Variants in DNMBP observed in about 807,000 individuals in gnomAD.
DNMBP encodes the protein dynamin binding protein.
A neutral mutation model predicts 150.0 loss-of-function variants in DNMBP; 87 were observed. That is an observed-to-expected ratio of 0.58 (90% CI 0.49 to 0.69). The LOEUF is 0.69. Ranked by LOEUF, DNMBP falls within the 30% of genes least tolerant of loss-of-function variation. The pLI, the probability that DNMBP is intolerant of heterozygous loss-of-function variation, is 0.00. For missense variants in DNMBP, 1,774 were observed against 1,949.0 expected, an observed-to-expected ratio of 0.91 and a Z score of 1.69; for synonymous variants, 711 against 750.4, an observed-to-expected ratio of 0.95 and a Z score of 0.86.
At chr10:99,895,120 T>G in intron 10 of DNMBP, 70 bp from the exon 11 acceptor site, 2 of 835,962 alleles carry the variant, frequency 2.4e-6, no homozygotes, top group Non-Finnish European at 3.6e-6. Context: ...AAAAGTAGCT[T>G]GCTTTTTTTT....
chr10:99,932,262 T>G (rs1384636205), intron 4 of DNMBP, among the ~76,000 whole-genome samples: 1 of 152,188 alleles, frequency 6.6e-6, no homozygotes, highest in Non-Finnish European at 1.5e-5. Context: ...TAATTACATG[T>G]TTACTCTTGG....
rs1369181140 is a variant in DNMBP at position 99,992,180 on chromosome 10, C to G, written c.-11+17658G>C. ...GCTTGAGTCCAGGATGTTGAGGCTG[C>G]AGTGAGCTGAGATCACACCACTGCA... On this transcript the variant is annotated intron_variant, in intron 1 of 16. Coordinates refer to ENST00000324109, the MANE Select transcript of DNMBP (RefSeq NM_015221.4). Among the ~76,000 whole-genome samples the G allele has an allele frequency of 2.0e-5, 3 of 151,948 alleles. No individual in the cohort carries two copies. The East Asian group carries it at 5.9e-4, about 30-fold the overall frequency.
intron 6 of DNMBP, 56 bp downstream of exon 6, chr10:99,907,939 C>T: frequency 7.4e-7 from 1 of 1,357,654 alleles, no homozygotes; most frequent in Non-Finnish European, 1.1e-6. Context: ...GCCACTTACT[C>T]CTGCCCATGA....
chr10:99,896,350 A>C lies in DNMBP; in HGVS notation c.2968T>G (p.Ser990Ala). ...ATGATGGAGTGGATGTTCAGTTTGG[A>C]AATTTTCTCCATAAGGCTATCTTCA... The part of the protein sequence containing the change: ...GDEDSLMEKI[S>A]KLNIHSIIKK... Residue 990 changes from serine to alanine, a missense_variant, in exon 10 of 17, where the codon TCC becomes GCC. By Grantham distance (99) the Ser-to-Ala change is moderately conservative. Coordinates refer to ENST00000324109, the MANE Select transcript of DNMBP (RefSeq NM_015221.4). The C allele has an allele frequency of 6.2e-7, 1 of 1,614,162 alleles. No homozygotes were observed. Among genetic ancestry groups the C allele is most frequent in the Non-Finnish European group, 8.5e-7 (1 of 1,180,014 alleles).
rs2133332334 is a variant in DNMBP, at chr10:99,956,339, C to T, written c.1135G>A (p.Asp379Asn). 1 of 1,613,874 alleles carries T rather than the reference C, an allele frequency of 6.2e-7. No homozygotes were observed. Among genetic ancestry groups the T allele is most frequent in the Non-Finnish European group, 8.5e-7 (1 of 1,179,988 alleles). ...DTDRNSYQDEDTAGGPPRSPG... is the reference protein window; with the variant it reads ...DTDRNSYQDENTAGGPPRSPG... Reference sequence around the variant, plus strand: ...CTTCTCGGGGGCCCTCCTGCGGTGTCCTCGTCCTGATAAGAGTTTCTGTCT... The same window carrying T: ...CTTCTCGGGGGCCCTCCTGCGGTGTTCTCGTCCTGATAAGAGTTTCTGTCT... Residue 379 changes from aspartate (D) to asparagine (N), a missense_variant, in exon 4 of 17, where the codon GAC becomes AAC. By Grantham distance (23) the Asp-to-Asn change is conservative. This residue lies in a region of DNMBP where 1,430 missense variants were observed against 1,492.5 expected (regional missense o/e 0.96). Transcript: ENST00000324109.
chr10:99,897,103 T>A (rs917118349), intron 9 of DNMBP, among the ~76,000 whole-genome samples: 1 of 152,114 alleles, frequency 6.6e-6, no homozygotes, highest in African/African-American at 2.4e-5. Flanking sequence ...CTTTAAAGTG[T>A]GGAGAAGAAT....
At chr10:99,902,303 CTTT>C (rs34120125) in intron 6 of DNMBP, among the ~76,000 whole-genome samples, 2 of 82,774 alleles carry the variant, frequency 2.4e-5, no homozygotes, top group African/African-American at 8.5e-5. Flanking sequence ...AGCCTCCCTT[CTTT>C]TTTTTTTTTT....
chr10:100,009,015 T>A (rs1476417242), intron 1 of DNMBP, among the ~76,000 whole-genome samples: 1 of 152,234 alleles, frequency 6.6e-6, no homozygotes, highest in Non-Finnish European at 1.5e-5. Flanking sequence ...ATCTTCATGT[T>A]TGTGTAAAAG....
At chr10:99,957,247 C>T in intron 3 of DNMBP, 42 bp from the exon 4 acceptor site, 1 of 1,546,918 alleles carries the variant, frequency 6.5e-7, no homozygotes, top group Non-Finnish European at 8.7e-7. Context: ...CAGTCATCAC[C>T]CAGCAGAACA....
At chr10:99,894,502 A>G (rs959312549) in intron 11 of DNMBP, among the ~76,000 whole-genome samples, 4 of 152,166 alleles carry the variant, frequency 2.6e-5, no homozygotes, top group Admixed American at 6.5e-5. Flanking sequence ...GCAACTGAAT[A>G]TTAATAAATT....
At chr10:99,975,684 C>G (rs948017300) in intron 1 of DNMBP, among the ~76,000 whole-genome samples, 3 of 152,148 alleles carry the variant, frequency 2.0e-5, no homozygotes, top group African/African-American at 7.2e-5. Context: ...GCTGCAGAGG[C>G]AGCATATATG....
At chr10:99,978,351 A>G (rs929238957) in intron 1 of DNMBP, among the ~76,000 whole-genome samples, 1 of 152,212 alleles carries the variant, frequency 6.6e-6, no homozygotes, top group African/African-American at 2.4e-5. Flanking sequence ...AGTGAGGTTG[A>G]AAGAATTTTA....
At chr10:100,005,764 C>CAAAAAAAAAAAAA (rs760685767) in intron 1 of DNMBP, among the ~76,000 whole-genome samples, 1 of 37,976 alleles carries the variant, frequency 2.6e-5, no homozygotes, top group African/African-American at 1.0e-4. Context: ...CAAAAGTCTC[C>CAAAAAAAAAAAAA]AAAAAAAAAA....
chr10:99,957,015 T>G lies in DNMBP; in HGVS notation c.459A>C (p.Leu153=), dbSNP rs756094335. ...PEYSMGQARA[L]MGLSAQLDEE... ...CATCCAGCTGAGCAGAAAGCCCCAT[T>G]AGGGCCCGGGCTTGTCCCATGGAAT... Residue 153 remains leucine, a synonymous_variant, in exon 4 of 17, where the codon CTA becomes CTC. Transcript: ENST00000324109. The G allele has an allele frequency of 6.2e-7, 1 of 1,614,124 alleles. No homozygotes were observed. The highest frequency in any genetic ancestry group is 1.3e-5 in the African/African-American group (1 of 75,040).
At chr10:99,888,547 T>C (rs2039506863) in intron 12 of DNMBP, among the ~76,000 whole-genome samples, 4 of 152,198 alleles carry the variant, frequency 2.6e-5, no homozygotes. Context: ...TGCTTTTATT[T>C]GATCAGAGTT....
At chr10:99,905,594 G>C (rs978348829) in intron 6 of DNMBP, among the ~76,000 whole-genome samples, 1 of 152,008 alleles carries the variant, frequency 6.6e-6, no homozygotes, top group Non-Finnish European at 1.5e-5. Flanking sequence ...GGCTGAGGTG[G>C]GAGGATCACT....
intron 6 of DNMBP, among the ~76,000 whole-genome samples, chr10:99,907,665 G>T (rs554629492): frequency 1.8e-4 from 28 of 152,148 alleles, no homozygotes; most frequent in African/African-American, 6.5e-4. Flanking sequence ...CAAAGTGCTG[G>T]GATTACAGGT....
intron 1 of DNMBP, among the ~76,000 whole-genome samples, chr10:99,983,799 G>A (rs7910239): frequency 0.066 from 10,007 of 152,204 alleles, 457 homozygotes; most frequent in African/African-American, 0.13. Context: ...GTCCTATACC[G>A]TCTGAAACTA....
rs1038614965 is a variant in DNMBP, at chr10:99,956,060, G to C, written c.1414C>G (p.Gln472Glu). The C allele has an allele frequency of 1.2e-6, 2 of 1,614,092 alleles. No homozygotes were observed. The highest frequency in any genetic ancestry group is 1.3e-5 in the African/African-American group (1 of 74,930). ...KRMYSQLKTL[Q>E]KPVLPLYRGS... is the part of the protein sequence containing the mutation. ...CTGTAAAGAGGGAGCACTGGCTTCT[G>C]AAGAGTTTTTAGCTGGGAATACATT... The change falls in exon 4 of 17, where the codon CAG becomes GAG. Residue 472 changes from glutamine (Q) to glutamate (E), a missense_variant. Gln to Glu is a conservative substitution (Grantham distance 29). This residue lies in a region of DNMBP where 1,430 missense variants were observed against 1,492.5 expected (regional missense o/e 0.96). Coordinates refer to ENST00000324109, the MANE Select transcript of DNMBP (RefSeq NM_015221.4).
Sources: gnomAD v4.1 joint callset for allele counts (sites outside exome capture counted in the v4.1 genomes callset) on GRCh38, gnomAD v4.1.1 for gene constraint, gnomAD v4.1.1 regional missense constraint, MANE v1.5 for transcripts, NCBI Gene and HGNC (gene_info 2026-07-23, HGNC 2026-07-21) for gene names.